Variants in TXNDC16 observed in about 807,000 individuals in gnomAD.
The protein encoded by TXNDC16 is thioredoxin domain containing 16, also known as thioredoxin domain-containing protein 16.
A neutral mutation model predicts 85.6 loss-of-function variants in TXNDC16; 74 were observed. The observed-to-expected ratio is 0.86, with a 90% confidence interval of 0.72 to 1.05. The LOEUF is 1.05. TXNDC16 is among the 50% of genes least tolerant of loss of function. The pLI is 0.00. For synonymous variants in TXNDC16, 335 were observed against 326.5 expected (o/e 1.03, Z -0.28); for missense variants, 959 against 947.0 (o/e 1.01, Z -0.17).
chr14:52,528,682 T>A (rs1200040258), intron 6 of TXNDC16, among the ~76,000 whole-genome samples: 1 of 150,840 alleles, frequency 6.6e-6, no homozygotes, highest in African/African-American at 2.4e-5. Flanking sequence ...AATATCCTTA[T>A]TATAAGTGAA....
chr14:52,504,934 A>C (rs533754809), intron 9 of TXNDC16, among the ~76,000 whole-genome samples: 1 of 152,348 alleles, frequency 6.6e-6, no homozygotes, highest in East Asian at 1.9e-4. Context: ...GACTCTGATA[A>C]AACAGACTTT....
intron 4 of TXNDC16, among the ~76,000 whole-genome samples, chr14:52,539,824 T>C (rs2037788418): frequency 6.6e-6 from 1 of 152,248 alleles, no homozygotes; most frequent in Non-Finnish European, 1.5e-5. Flanking sequence ...ATCACTTGTA[T>C]AATATATCTT....
chr14:52,452,441 A>C (rs2035433051), intron 18 of TXNDC16, among the ~76,000 whole-genome samples: 1 of 152,172 alleles, frequency 6.6e-6, no homozygotes, highest in African/African-American at 2.4e-5. Context: ...TATACTATAG[A>C]GCTATAGTAA....
chr14:52,434,568 CAAGT>C (rs1213040655), intron 20 of TXNDC16, among the ~76,000 whole-genome samples: 2 of 152,046 alleles, frequency 1.3e-5, no homozygotes, highest in African/African-American at 4.8e-5. Context: ...GTGTAAATCT[CAAGT>C]AAGAATTGCC....
intron 16 of TXNDC16, among the ~76,000 whole-genome samples, chr14:52,461,727 C>A (rs760093254): frequency 2.0e-5 from 3 of 152,210 alleles, no homozygotes; most frequent in African/African-American, 7.2e-5. Flanking sequence ...CAAGGAGGAA[C>A]AAGGGGCCCT....
intron 18 of TXNDC16, among the ~76,000 whole-genome samples, chr14:52,448,527 A>T (rs1425337979): frequency 6.6e-6 from 1 of 152,186 alleles, no homozygotes; most frequent in African/African-American, 2.4e-5. Context: ...CTGTCCTACA[A>T]GAAATGCTAA....
At chr14:52,466,200 G>GA (rs573661268) in intron 16 of TXNDC16, among the ~76,000 whole-genome samples, 18 of 148,192 alleles carry the variant, frequency 1.2e-4, no homozygotes, top group African/African-American at 1.5e-4. Flanking sequence ...GGCATACAAA[G>GA]AAAAAAAAAC....
At chr14:52,503,423 G>A (rs1328375115) in intron 9 of TXNDC16, among the ~76,000 whole-genome samples, 4 of 152,188 alleles carry the variant, frequency 2.6e-5, no homozygotes, top group East Asian at 1.9e-4. Context: ...ACCAATATTC[G>A]CTGTTCTGCA....
intron 8 of TXNDC16, among the ~76,000 whole-genome samples, chr14:52,512,315 T>C (rs2036974688): frequency 6.6e-6 from 1 of 152,142 alleles, no homozygotes; most frequent in Non-Finnish European, 1.5e-5. Flanking sequence ...TGCTATAATA[T>C]GCAAAAATAC....
At position 52,431,043 on chromosome 14, in the gene TXNDC16, A is replaced by C. The variant is rs892354501; in HGVS notation, c.*1261T>G. On this transcript the variant is annotated 3_prime_UTR_variant, in exon 21 of 21. Coordinates refer to ENST00000281741, the MANE Select transcript of TXNDC16 (RefSeq NM_020784.3). ...AAAAGAAAAATACAGTAGAGCACCA[A>C]ATAGAATATTCTCAACAAATGTCTC... 5.9e-5 allele frequency: 9 copies of C among 152,268 alleles called. No homozygotes were observed. The East Asian group carries it at 1.7e-3, about 29-fold the overall frequency. The allele number at this position is 152,268 out of a possible 1,614,324, so 9.4% of individuals were successfully genotyped here.
chr14:52,456,531 G>GTAAA (rs2035537764), intron 17 of TXNDC16, among the ~76,000 whole-genome samples: 1 of 151,984 alleles, frequency 6.6e-6, no homozygotes, highest in African/African-American at 2.4e-5. Context: ...AAACTACTGG[G>GTAAA]GCTTAGTAAG....
chr14:52,433,990 G>C (rs1379547784), intron 20 of TXNDC16, among the ~76,000 whole-genome samples: 1 of 152,070 alleles, frequency 6.6e-6, no homozygotes, highest in Non-Finnish European at 1.5e-5. Flanking sequence ...ACCAGCCTGG[G>C]CAACATAGTG....
intron 1 of TXNDC16, among the ~76,000 whole-genome samples, chr14:52,544,807 AAT>A (rs1416401580): frequency 6.6e-6 from 1 of 151,986 alleles, no homozygotes; most frequent in Non-Finnish European, 1.5e-5. Flanking sequence ...AATTTTTAAT[AAT>A]GAGTCAAGAG....
chr14:52,468,106 T>C (rs571569238), intron 16 of TXNDC16, among the ~76,000 whole-genome samples: 1 of 152,202 alleles, frequency 6.6e-6, no homozygotes, highest in Admixed American at 6.5e-5. Context: ...GAGGATGAAA[T>C]GAAAAGCTGT....
intron 7 of TXNDC16, among the ~76,000 whole-genome samples, chr14:52,515,673 G>A (rs747170745): frequency 0.2 from 17,892 of 90,730 alleles, 1,097 homozygotes; most frequent in African/African-American, 0.28. Flanking sequence ...ATACATATGT[G>A]TGTGTGTGTG....
intron 9 of TXNDC16, among the ~76,000 whole-genome samples, chr14:52,509,664 T>C (rs2036907362): frequency 6.7e-6 from 1 of 148,872 alleles, no homozygotes; most frequent in African/African-American, 2.5e-5. Context: ...AATTAAAAAA[T>C]GGCAGCACAT....
At chr14:52,514,746 T>C in intron 8 of TXNDC16, 134 bp downstream of exon 8, 3 of 614,488 alleles carry the variant, frequency 4.9e-6, no homozygotes, top group South Asian at 4.5e-5. Context: ...GTTTCATTTA[T>C]ATATTCACAT....
At chr14:52,467,597 C>T (rs947798228) in intron 16 of TXNDC16, among the ~76,000 whole-genome samples, 2 of 152,016 alleles carry the variant, frequency 1.3e-5, no homozygotes, top group Non-Finnish European at 2.9e-5. Flanking sequence ...AATAAAATAA[C>T]GAATATTGGC....
At chr14:52,466,988 G>GA (rs578037663) in intron 16 of TXNDC16, among the ~76,000 whole-genome samples, 85 of 148,762 alleles carry the variant, frequency 5.7e-4, no homozygotes, top group African/African-American at 1.8e-3. Context: ...AGAGTCAATA[G>GA]AAAAAAAAAC....
Sources: allele counts gnomAD v4.1 joint callset (sites outside exome capture counted in the v4.1 genomes callset), GRCh38; gene constraint gnomAD v4.1.1; transcripts MANE v1.5; gene names NCBI Gene and HGNC (gene_info 2026-07-23, HGNC 2026-07-21).